The following SPOCK3 variants were observed in gnomAD, a reference collection of about 807,000 sequenced individuals.
SPOCK3 encodes the protein testican-3.
SPOCK3 carries 30 observed loss-of-function variants against 56.6 expected under a neutral mutation model. That is an observed-to-expected ratio of 0.53 (90% CI 0.40 to 0.72). The LOEUF (loss-of-function observed/expected upper bound fraction) is 0.72, where lower values mean the gene tolerates loss of function less well. SPOCK3 is among the 30% of genes least tolerant of loss of function. The probability of loss-of-function intolerance (pLI) is 0.00; values close to 1 mark genes in which losing one functional copy is unlikely to be tolerated. For synonymous variants in SPOCK3, 196 were observed against 183.3 expected, an observed-to-expected ratio of 1.07 and a Z score of -0.56; for missense variants, 527 against 530.0, an observed-to-expected ratio of 0.99 and a Z score of 0.06.
chr4:166,807,688 C>T (rs1198411598), intron 6 of SPOCK3, among the ~76,000 whole-genome samples: 2 of 152,124 alleles, frequency 1.3e-5, no homozygotes, highest in African/African-American at 2.4e-5. Context: ...AGGACACATA[C>T]TATAAAAAAG....
intron 4 of SPOCK3, among the ~76,000 whole-genome samples, chr4:166,941,467 T>C (rs989606150): frequency 1.3e-5 from 2 of 152,206 alleles, no homozygotes; most frequent in African/African-American, 4.8e-5. Flanking sequence ...AAAGCTAAAA[T>C]ATCTACCAAG....
At chr4:166,785,063 G>A in intron 7 of SPOCK3, among the ~76,000 whole-genome samples, 1 of 151,998 alleles carries the variant, frequency 6.6e-6, no homozygotes, top group East Asian at 1.9e-4. Context: ...ATAATAGTAA[G>A]CACAACATAT....
chr4:166,766,952 C>G (rs1193138483), intron 7 of SPOCK3, among the ~76,000 whole-genome samples: 1 of 151,074 alleles, frequency 6.6e-6, no homozygotes, highest in Non-Finnish European at 1.5e-5. Context: ...TCCATTTCTT[C>G]TAGATTTTCT....
chr4:167,089,181 T>G (rs1349107183), intron 2 of SPOCK3, among the ~76,000 whole-genome samples: 1 of 152,058 alleles, frequency 6.6e-6, no homozygotes, highest in Non-Finnish European at 1.5e-5. Context: ...ATACATGTAT[T>G]TCTACATGCC....
chr4:166,916,008 T>C (rs1283248620), intron 4 of SPOCK3, among the ~76,000 whole-genome samples: 1 of 152,134 alleles, frequency 6.6e-6, no homozygotes, highest in Non-Finnish European at 1.5e-5. Flanking sequence ...TTCAGACAAT[T>C]ATTTTTTCAA....
At chr4:166,785,301 G>A (rs553112203) in intron 7 of SPOCK3, among the ~76,000 whole-genome samples, 27 of 151,998 alleles carry the variant, frequency 1.8e-4, no homozygotes, top group African/African-American at 5.1e-4. Context: ...ATTAGGTGTC[G>A]ATTGTTAAAA....
chr4:167,046,121 T>C (rs1303382147), intron 3 of SPOCK3, among the ~76,000 whole-genome samples: 1 of 152,088 alleles, frequency 6.6e-6, no homozygotes, highest in Non-Finnish European at 1.5e-5. Context: ...CCTTTCAGCA[T>C]GTTGATTTTT....
intron 2 of SPOCK3, among the ~76,000 whole-genome samples, chr4:167,214,000 T>C (rs1424805310): frequency 1.3e-5 from 2 of 152,140 alleles, no homozygotes; most frequent in African/African-American, 2.4e-5. Flanking sequence ...TACTATAAAA[T>C]GCTATGGTAA....
In SPOCK3 at chr4:166,866,592, G is replaced by A. The variant is rs955091115; in HGVS notation, c.589+22538C>T. 3.3e-5 allele frequency among the ~76,000 whole-genome samples: 5 copies of A among 151,646 alleles called. No homozygotes were observed. The Admixed American group carries it at 3.3e-4, about 10-fold the overall frequency. Reference sequence around the variant, plus strand: ...ACTTAAACAAATTTACAAGAAAAAAGAAAATGACTCAATCAAAAAGTGGGC... The same window carrying A: ...ACTTAAACAAATTTACAAGAAAAAAAAAAATGACTCAATCAAAAAGTGGGC... On this transcript the variant is annotated intron_variant, in intron 6 of 10. Coordinates refer to ENST00000357545, the MANE Select transcript of SPOCK3 (RefSeq NM_001040159.2).
intron 6 of SPOCK3, among the ~76,000 whole-genome samples, chr4:166,869,881 G>GA (rs1732276827): frequency 6.6e-6 from 1 of 151,996 alleles, no homozygotes; most frequent in Non-Finnish European, 1.5e-5. Context: ...TAAACAAGTA[G>GA]AAACACTTAA....
At chr4:166,754,855 T>A in intron 7 of SPOCK3, 126 bp from the exon 8 acceptor site, 1 of 764,758 alleles carries the variant, frequency 1.3e-6, no homozygotes, top group Non-Finnish European at 2.1e-6. Flanking sequence ...AGTAGAGCAT[T>A]AAATTCATCA....
intron 2 of SPOCK3, among the ~76,000 whole-genome samples, chr4:167,063,453 A>C (rs1428557634): frequency 6.6e-6 from 1 of 151,880 alleles, no homozygotes. Context: ...TCCAAGCTCT[A>C]AACTGTTAGA....
chr4:167,027,391 C>A (rs947505783), intron 3 of SPOCK3, among the ~76,000 whole-genome samples: 3 of 151,962 alleles, frequency 2.0e-5, no homozygotes, highest in Admixed American at 6.6e-5. Flanking sequence ...CTTGGGAAAT[C>A]ATTCCTTTGC....
rs1172453442 is a variant in SPOCK3 at position 167,193,549 on chromosome 4, T to C, written c.189+40436A>G. On this transcript the variant is annotated intron_variant, in intron 2 of 10. Coordinates refer to ENST00000357545, the MANE Select transcript of SPOCK3 (RefSeq NM_001040159.2). ...TTTTAATAAAGTTAAAAGTGATTTA[T>C]GCAGCACCATTTATACATCACCATT... is the stretch of plus-strand genomic sequence containing the variant. Among the ~76,000 whole-genome samples, 6 of 146,352 alleles carry C rather than the reference T, an allele frequency of 4.1e-5. 1 individual carries two copies. Among genetic ancestry groups the C allele is most frequent in the South Asian group, 2.1e-4 (1 of 4,712 alleles).
At chr4:167,086,782 C>T (rs966848420) in intron 2 of SPOCK3, among the ~76,000 whole-genome samples, 10 of 152,004 alleles carry the variant, frequency 6.6e-5, no homozygotes, top group Non-Finnish European at 1.2e-4. Context: ...TAAAAACAAC[C>T]AAGGCTCATT....
intron 4 of SPOCK3, among the ~76,000 whole-genome samples, chr4:166,915,769 C>T (rs895028974): frequency 6.6e-6 from 1 of 152,078 alleles, no homozygotes; most frequent in African/African-American, 2.4e-5. Flanking sequence ...CACAACTAGG[C>T]ACATTATTCT....
At chr4:167,017,684 C>A (rs1475951331) in intron 3 of SPOCK3, among the ~76,000 whole-genome samples, 1 of 152,074 alleles carries the variant, frequency 6.6e-6, no homozygotes, top group Non-Finnish European at 1.5e-5. Context: ...ATCCTCACTG[C>A]CAGCCCAGCC....
intron 6 of SPOCK3, among the ~76,000 whole-genome samples, chr4:166,861,441 T>C (rs1560943865): frequency 1.3e-5 from 2 of 152,140 alleles, no homozygotes; most frequent in South Asian, 2.1e-4. Context: ...TCCCAATTTA[T>C]TGAATTCCAC....
chr4:166,907,560 T>C (rs1197933525), intron 5 of SPOCK3, among the ~76,000 whole-genome samples: 1 of 152,104 alleles, frequency 6.6e-6, no homozygotes, highest in African/African-American at 2.4e-5. Flanking sequence ...CAAGAGAGGA[T>C]GTATTTTGTG....
Sources: allele counts gnomAD v4.1 joint callset (sites outside exome capture counted in the v4.1 genomes callset), GRCh38; gene constraint gnomAD v4.1.1; transcripts MANE v1.5; gene names NCBI Gene and HGNC (gene_info 2026-07-23, HGNC 2026-07-21).